XKR4: variants seen among roughly 807,000 people sequenced by gnomAD.
XKR4 encodes the protein XK-related protein 4.
XKR4 carries 12 observed loss-of-function variants against 53.9 expected under a neutral mutation model. The observed-to-expected ratio is 0.22, with a 90% CI of 0.14 to 0.36. The LOEUF (loss-of-function observed/expected upper bound fraction) is 0.36, where lower values mean the gene tolerates loss of function less well. Among genes scored for constraint, XKR4 ranks in the 10% least tolerant of loss-of-function variants. XKR4 has a pLI of 1.00. For synonymous variants in XKR4, 354 were observed against 362.4 expected (o/e 0.98, Z 0.26); for missense variants, 799 against 859.5 (o/e 0.93, Z 0.88).
chr8:55,354,722 C>T (rs928950962), intron 1 of XKR4, among the ~76,000 whole-genome samples: 4 of 149,138 alleles, frequency 2.7e-5, no homozygotes, highest in Admixed American at 2.7e-4. Context: ...AAAAAAAACA[C>T]ACATGCACAA....
At chr8:55,454,410 G>T in intron 2 of XKR4, 1 of 1,315,936 alleles carries the variant, frequency 7.6e-7, no homozygotes, top group Non-Finnish European at 1.1e-6. Flanking sequence ...AATGCCAGGA[G>T]GCTCCTGCAG....
In XKR4 at chr8:55,541,962, G is replaced by A. The variant is rs529117015; in HGVS notation, c.*17735G>A. On this transcript the variant is annotated 3_prime_UTR_variant, in exon 3 of 3. Transcript: ENST00000327381. The stretch of plus-strand genomic sequence containing the variant: ...AAGTTGCAATTTGTGATGAAATGAA[G>A]TGGAAAGTAGTACTTCATAATGAAC... 2 of 152,020 alleles carry A rather than the reference G, an allele frequency of 1.3e-5. No individual in the cohort carries two copies. The highest frequency in any genetic ancestry group is 1.3e-4 in the Admixed American group (2 of 15,248). The allele number at this position is 152,020 out of a possible 1,614,324, so 9.4% of individuals were successfully genotyped here.
chr8:55,366,319 T>A (rs546001616), intron 2 of XKR4, among the ~76,000 whole-genome samples: 9 of 152,332 alleles, frequency 5.9e-5, no homozygotes, highest in African/African-American at 1.9e-4. Flanking sequence ...TGCTCCCAGC[T>A]GAGAAACTTG....
chr8:55,124,874 A>T (rs1041190244), intron 1 of XKR4, among the ~76,000 whole-genome samples: 4 of 152,180 alleles, frequency 2.6e-5, no homozygotes, highest in African/African-American at 9.7e-5. Flanking sequence ...GGAAAGCTAG[A>T]TGGAGATTTC....
chr8:55,429,015 T>C (rs971933200), intron 2 of XKR4, among the ~76,000 whole-genome samples: 1 of 152,204 alleles, frequency 6.6e-6, no homozygotes, highest in Non-Finnish European at 1.5e-5. Flanking sequence ...AATTTCAATA[T>C]AGCTACGTAA....
At chr8:55,403,592 C>T (rs1804640537) in intron 2 of XKR4, among the ~76,000 whole-genome samples, 1 of 152,244 alleles carries the variant, frequency 6.6e-6, no homozygotes, top group Admixed American at 6.5e-5. Flanking sequence ...TTCCATTTTT[C>T]TCGTCACTGT....
intron 1 of XKR4, among the ~76,000 whole-genome samples, chr8:55,340,674 C>A (rs750387167): frequency 6.6e-6 from 1 of 152,234 alleles, no homozygotes; most frequent in East Asian, 1.9e-4. Context: ...TTAGGGATCA[C>A]TCCTCGGCAT....
chr8:55,123,514 C>T lies in XKR4; in HGVS notation c.806+20220C>T, dbSNP rs1816419960. ...GCATAGGCTCAGGAATCTCAGAACC[C>T]TTCAGTCCATGATGACACTGCATTG... On this transcript the variant is annotated intron_variant, in intron 1 of 2. Transcript: ENST00000327381. Among the ~76,000 whole-genome samples the T allele has an allele frequency of 2.6e-5, 4 of 152,346 alleles. No homozygotes were observed. In the South Asian group the frequency reaches 8.3e-4, roughly 32 times the overall value.
At chr8:55,456,200 G>A (rs1056356607) in intron 2 of XKR4, among the ~76,000 whole-genome samples, 2 of 152,172 alleles carry the variant, frequency 1.3e-5, no homozygotes, top group Admixed American at 6.5e-5. Flanking sequence ...GGAAGGCCAA[G>A]GCGGGCGGAT....
chr8:55,192,869 G>A lies in XKR4; in HGVS notation c.806+89575G>A, dbSNP rs1051776635. Among the ~76,000 whole-genome samples the A allele has an allele frequency of 2.6e-5, 4 of 152,310 alleles. No individual in the cohort carries two copies. In the East Asian group the frequency reaches 7.7e-4, roughly 29 times the overall value. On this transcript the variant is annotated intron_variant, in intron 1 of 2. Coordinates refer to ENST00000327381, the MANE Select transcript of XKR4 (RefSeq NM_052898.2). ...TATGGGAGCGTTGTAGGGTGGAAGA[G>A]GCTGTGGGGGCTTTCCATCCCCGTG...
In XKR4 at chr8:55,304,537, A is replaced by G. The variant is rs904207128; in HGVS notation, c.807-53141A>G. On this transcript the variant is annotated intron_variant, in intron 1 of 2. Transcript: ENST00000327381. ...TCCACTTGGTGCAGAGCTGAGTTCA[A>G]TTCCTGGGTATCCTTGTTAATTTTC... 3.3e-5 allele frequency among the ~76,000 whole-genome samples: 5 copies of G among 152,168 alleles called. No individual in the cohort carries two copies. In the East Asian group the frequency reaches 9.6e-4, roughly 29 times the overall value.
intron 2 of XKR4, among the ~76,000 whole-genome samples, chr8:55,445,335 G>A (rs1295781010): frequency 2.6e-5 from 4 of 152,192 alleles, no homozygotes; most frequent in Non-Finnish European, 5.9e-5. Flanking sequence ...GGGATTACAG[G>A]TGTGAGCCAC....
At position 55,102,384 on chromosome 8, in the gene XKR4, A is replaced by C. The variant is rs1405811354; in HGVS notation, c.-105A>C. On this transcript the variant is annotated 5_prime_UTR_variant, in exon 1 of 3. Coordinates refer to ENST00000327381, the MANE Select transcript of XKR4 (RefSeq NM_052898.2). This position sits in a 1 kb window ranked among gnomAD's most constrained non-coding sequence, Gnocchi z 5.1. ...CAGGAGCAGGAGGAGGGGGAGCCGCACCGCCTGGGAGGGAAGCCGGGGCGA... is the reference window on the plus strand; with the variant it reads ...CAGGAGCAGGAGGAGGGGGAGCCGCCCCGCCTGGGAGGGAAGCCGGGGCGA... 1 of 1,326,960 alleles carries C rather than the reference A, an allele frequency of 7.5e-7. No individual in the cohort carries two copies. Among genetic ancestry groups the C allele is most frequent in the African/African-American group, 1.6e-5 (1 of 64,450 alleles). The allele number at this position is 1,326,960 out of a possible 1,614,324, so 82.2% of individuals were successfully genotyped here.
chr8:55,392,307 A>G (rs544952747), intron 2 of XKR4, among the ~76,000 whole-genome samples: 65 of 152,286 alleles, frequency 4.3e-4, no homozygotes, highest in African/African-American at 1.5e-3. Context: ...ACAGGCTGAG[A>G]CTGGAGCATC....
At chr8:55,176,661 T>C (rs1011034714) in intron 1 of XKR4, among the ~76,000 whole-genome samples, 5 of 152,330 alleles carry the variant, frequency 3.3e-5, no homozygotes, top group Middle Eastern at 3.4e-3. Context: ...ACTTCGACCT[T>C]ATTTCTGTTG....
At chr8:55,302,094 G>T (rs901747779) in intron 1 of XKR4, among the ~76,000 whole-genome samples, 2 of 151,966 alleles carry the variant, frequency 1.3e-5, no homozygotes, top group Non-Finnish European at 2.9e-5. Flanking sequence ...GAATGGTATT[G>T]CCTAGGTTTT....
chr8:55,301,249 G>A (rs1295316351), intron 1 of XKR4, among the ~76,000 whole-genome samples: 4 of 149,266 alleles, frequency 2.7e-5, no homozygotes, highest in Non-Finnish European at 5.9e-5. Context: ...TGCGGTGTTT[G>A]GTTTTTTGTC....
At chr8:55,483,283 T>G (rs983669526) in intron 2 of XKR4, among the ~76,000 whole-genome samples, 5 of 152,202 alleles carry the variant, frequency 3.3e-5, no homozygotes, top group African/African-American at 1.2e-4. Context: ...AGTATGAGCT[T>G]CCTTATAGTA....
At chr8:55,111,277 A>G (rs1284803730) in intron 1 of XKR4, among the ~76,000 whole-genome samples, 1 of 152,094 alleles carries the variant, frequency 6.6e-6, no homozygotes, top group African/African-American at 2.4e-5. Flanking sequence ...TTAATTTTCT[A>G]TCTGTATGAT....
Sources: gnomAD v4.1 joint callset for allele counts (sites outside exome capture counted in the v4.1 genomes callset) on GRCh38, gnomAD v4.1.1 for gene constraint, Gnocchi (gnomAD v3.1) non-coding constraint, MANE v1.5 for transcripts, NCBI Gene and HGNC (gene_info 2026-07-23, HGNC 2026-07-21) for gene names.